PIK3C2B: variants seen among roughly 807,000 people sequenced by gnomAD.
PIK3C2B encodes phosphatidylinositol-4-phosphate 3-kinase catalytic subunit type 2 beta, also known as phosphatidylinositol 4-phosphate 3-kinase C2 domain-containing subunit beta.
A neutral mutation model predicts 184.3 loss-of-function variants in PIK3C2B; 83 were observed. That is an observed-to-expected ratio of 0.45 (90% CI 0.38 to 0.54). The LOEUF is 0.54. Ranked by LOEUF, PIK3C2B falls within the 20% of genes least tolerant of loss-of-function variation. The pLI, the probability that PIK3C2B is intolerant of heterozygous loss-of-function variation, is 0.00. For missense variants in PIK3C2B, 1,736 were observed against 2,113.5 expected (o/e 0.82, Z 3.50); for synonymous variants, 779 against 837.6 (o/e 0.93, Z 1.21).
At chr1:204,431,511 G>C (rs991435141) in intron 28 of PIK3C2B, 158 bp downstream of exon 28, 1 of 829,838 alleles carries the variant, frequency 1.2e-6, no homozygotes, top group Non-Finnish European at 1.9e-6. Flanking sequence ...CCAGCAGGGG[G>C]AGCACTTGTC....
intron 23 of PIK3C2B, among the ~76,000 whole-genome samples, chr1:204,437,293 G>T (rs6668749): frequency 0.18 from 26,731 of 151,918 alleles, 2,744 homozygotes; most frequent in East Asian, 0.5. Context: ...TCAGGAGTTC[G>T]CGACCAGCCT....
At position 204,444,424 on chromosome 1, in the gene PIK3C2B, G is replaced by T; in HGVS notation, c.2679C>A (p.Thr893=). 1 of 1,611,358 alleles carries T rather than the reference G, an allele frequency of 6.2e-7. No homozygotes were observed. Among genetic ancestry groups the T allele is most frequent in the Non-Finnish European group, 8.5e-7 (1 of 1,178,654 alleles). ...HQDALGLLHA[T]FPDQEVRRMA... is the part of the protein sequence containing the mutation. ...TACGACGCACCTCCTGGTCCGGGAAGCTGCAAAACAGAGCCCAGTGCCCTG... is the reference window on the plus strand; with the variant it reads ...TACGACGCACCTCCTGGTCCGGGAATCTGCAAAACAGAGCCCAGTGCCCTG... Residue 893 remains threonine (T), a splice_region_variant and synonymous_variant, in exon 17 of 33, where the codon ACC becomes ACA. Coordinates refer to ENST00000684373, the MANE Select transcript of PIK3C2B (RefSeq NM_001377334.1).
At chr1:204,485,469 T>C (rs1423099489) in intron 1 of PIK3C2B, among the ~76,000 whole-genome samples, 1 of 152,158 alleles carries the variant, frequency 6.6e-6, no homozygotes, top group East Asian at 1.9e-4. Flanking sequence ...GATGAATGAT[T>C]GAAACAGACC....
chr1:204,427,715 TC>T lies in PIK3C2B; in HGVS notation c.4519del (p.Glu1507ArgfsTer2). 6.2e-7 allele frequency: 1 copy of T among 1,613,896 alleles called. No homozygotes were observed. The highest frequency in any genetic ancestry group is 8.5e-7 in the Non-Finnish European group (1 of 1,179,854). ...WARPVGKVGG[E>X]VKLSISYKNN... Reference sequence around the variant, plus strand: ...TTTGTAGGAGATGGACAGCTTCACCTCCCCTCCCACCTTTCCGACGGGCCGG... The same window carrying T: ...TTTGTAGGAGATGGACAGCTTCACCTCCCTCCCACCTTTCCGACGGGCCGG... On this transcript the variant is annotated frameshift_variant, in exon 31 of 33. Coordinates refer to ENST00000684373, the MANE Select transcript of PIK3C2B (RefSeq NM_001377334.1). LOFTEE classifies it high-confidence loss of function.
chr1:204,433,531 T>C lies in PIK3C2B; in HGVS notation c.3844-106A>G, dbSNP rs554041097. On this transcript the variant is annotated intron_variant, in intron 25 of 32. Coordinates refer to ENST00000684373, the MANE Select transcript of PIK3C2B (RefSeq NM_001377334.1). This position sits in a 1 kb window ranked among gnomAD's most constrained non-coding sequence, Gnocchi z 5.0. ...TTCTACAGCTAGGCTCCCTAACCCT[T>C]CTAGAGGGTGGTAGACAGATGCTGT... 2.4e-5 allele frequency: 19 copies of C among 787,264 alleles called. No homozygotes were observed. Among genetic ancestry groups the C allele is most frequent in the African/African-American group, 6.9e-5 (4 of 58,156 alleles). 48.8% of individuals were successfully genotyped at this position (787,264 alleles called of 1,614,324 possible). A position where few individuals can be genotyped will look rare whatever the true frequency, so the allele number is the denominator to read the frequency against.
intron 1 of PIK3C2B, among the ~76,000 whole-genome samples, chr1:204,484,077 A>C (rs534488729): frequency 6.6e-6 from 1 of 152,330 alleles, no homozygotes; most frequent in South Asian, 2.1e-4. Flanking sequence ...AGGGTGTTAC[A>C]CTTTGTGCTG....
intron 7 of PIK3C2B, 124 bp downstream of exon 7, chr1:204,460,200 T>C (rs1482409807): frequency 2.6e-6 from 2 of 773,830 alleles, no homozygotes; most frequent in Non-Finnish European, 4.4e-6. Context: ...ATAAGATGTG[T>C]GGGCCCCAAC....
At position 204,444,322 on chromosome 1, in the gene PIK3C2B, T is replaced by C. The variant is rs367607387; in HGVS notation, c.2772+9A>G. 394 of 1,609,034 alleles carry C rather than the reference T, an allele frequency of 2.4e-4. No homozygotes were observed. Among genetic ancestry groups the C allele is most frequent in the Non-Finnish European group, 1.9e-4 (226 of 1,175,498 alleles). ...CCAGCAAAACTGGAGGGAGGACCAA[T>C]CCACCCACCTGTACCAGCTGGGGCA... On this transcript the variant is annotated intron_variant, in intron 17 of 32. Coordinates refer to ENST00000684373, the MANE Select transcript of PIK3C2B (RefSeq NM_001377334.1).
intron 8 of PIK3C2B, 88 bp downstream of exon 8, chr1:204,459,790 T>C: frequency 8.8e-7 from 1 of 1,140,178 alleles, no homozygotes; most frequent in Non-Finnish European, 1.3e-6. Context: ...CCCAGACCCC[T>C]CATAGTGCTG....
chr1:204,437,611 A>G (rs771733045), intron 23 of PIK3C2B, among the ~76,000 whole-genome samples: 1 of 152,226 alleles, frequency 6.6e-6, no homozygotes, highest in Non-Finnish European at 1.5e-5. Context: ...AACAAAATCA[A>G]TGGTAACAAA....
At position 204,427,992 on chromosome 1, in the gene PIK3C2B, G is replaced by C. The variant is rs141085869; in HGVS notation, c.4480+147C>G. On this transcript the variant is annotated intron_variant, in intron 30 of 32. Transcript: ENST00000684373. ...TAAGGAACTATGGACCCCACGGCCT[G>C]AGTGGGAAACTAGATTTCCCAGAGA... 19 of 639,494 alleles carry C rather than the reference G, an allele frequency of 3.0e-5. No individual in the cohort carries two copies. The East Asian group carries it at 4.9e-4, about 17-fold the overall frequency. The allele number at this position is 639,494 out of a possible 1,614,324, so 39.6% of individuals were successfully genotyped here.
intron 1 of PIK3C2B, among the ~76,000 whole-genome samples, chr1:204,485,337 A>T (rs1468253751): frequency 6.6e-6 from 1 of 152,128 alleles, no homozygotes; most frequent in African/African-American, 2.4e-5. Flanking sequence ...ACCTATATAA[A>T]GCATATATTG....
chr1:204,467,036 A>C, intron 2 of PIK3C2B: 1 of 455,178 alleles, frequency 2.2e-6, no homozygotes, highest in Non-Finnish European at 4.5e-6. Flanking sequence ...CCAAGGCCGC[A>C]TTTCCCCACT....
chr1:204,464,663 A>T (rs1026441844), intron 3 of PIK3C2B, 59 bp from the exon 4 acceptor site: 2 of 1,521,686 alleles, frequency 1.3e-6, no homozygotes, highest in South Asian at 2.4e-5. Flanking sequence ...TCAAGAAGAC[A>T]TCTGTTGGGA....
chr1:204,451,181 G>A (rs573424490), intron 12 of PIK3C2B, among the ~76,000 whole-genome samples: 2 of 152,226 alleles, frequency 1.3e-5, no homozygotes, highest in East Asian at 1.9e-4. Flanking sequence ...GACAAAGCAC[G>A]GCTGCTGAGC....
chr1:204,459,071 A>G (rs1234045297), intron 8 of PIK3C2B, among the ~76,000 whole-genome samples: 7 of 106,952 alleles, frequency 6.5e-5, no homozygotes, highest in Admixed American at 3.3e-4. Context: ...CTGGAGTGCA[A>G]TGGTGTGATC....
chr1:204,432,801 A>G (rs1044930306), intron 26 of PIK3C2B, among the ~76,000 whole-genome samples: 1 of 152,230 alleles, frequency 6.6e-6, no homozygotes, highest in Admixed American at 6.5e-5. Context: ...CCTAACAGAG[A>G]AAGTTTAATT....
chr1:204,446,481 G>A (rs61763406), intron 15 of PIK3C2B, among the ~76,000 whole-genome samples: 4,274 of 152,292 alleles, frequency 0.028, 141 homozygotes, highest in East Asian at 0.079. Flanking sequence ...CATCTTGGAT[G>A]GAGAATGCAT....
chr1:204,469,703 A>G lies in PIK3C2B; in HGVS notation c.100T>C (p.Tyr34His). Residue 34 changes from tyrosine (Y) to histidine (H), a missense_variant, in exon 2 of 33, where the codon TAT becomes CAT. By Grantham distance (83) the Tyr-to-His change is moderately conservative (BLOSUM62 2). Around this residue, in one of 8 missense-constraint regions of PIK3C2B, gnomAD observed 404 missense variants for 418.0 expected, o/e 0.97. Coordinates refer to ENST00000684373, the MANE Select transcript of PIK3C2B (RefSeq NM_001377334.1). ...LAMAEALQMEYDALSRLRHDK... is the reference protein window; with the variant it reads ...LAMAEALQMEHDALSRLRHDK... Reference sequence around the variant, plus strand: ...TGCCGGAGCCGGGACAGGGCATCATACTCCATCTGCAGGGCTTCGGCCATC... The same window carrying G: ...TGCCGGAGCCGGGACAGGGCATCATGCTCCATCTGCAGGGCTTCGGCCATC... 1 of 1,613,588 alleles carries G rather than the reference A, an allele frequency of 6.2e-7. No individual in the cohort carries two copies. Among genetic ancestry groups the G allele is most frequent in the Non-Finnish European group, 8.5e-7 (1 of 1,179,876 alleles).
Sources: gnomAD v4.1 joint callset for allele counts (sites outside exome capture counted in the v4.1 genomes callset) on GRCh38, gnomAD v4.1.1 for gene constraint, gnomAD v4.1.1 regional missense constraint, Gnocchi (gnomAD v3.1) non-coding constraint, MANE v1.5 for transcripts, NCBI Gene and HGNC (gene_info 2026-07-23, HGNC 2026-07-21) for gene names.